KCND2: variants seen among roughly 807,000 people sequenced by gnomAD.
KCND2 encodes the protein potassium voltage-gated channel subfamily D member 2, also known as A-type voltage-gated potassium channel KCND2.
In KCND2, 16 loss-of-function variants were observed where a neutral mutation model predicts 54.4. The observed-to-expected ratio is 0.29, with a 90% CI of 0.20 to 0.45. The LOEUF is 0.45. KCND2 is among the 20% of genes least tolerant of loss of function. The pLI is 1.00. For missense variants in KCND2, 486 were observed against 824.2 expected (o/e 0.59, Z 5.02); for synonymous variants, 317 against 310.7 (o/e 1.02, Z -0.21).
At chr7:120,473,251 A>G (rs1028078665) in intron 1 of KCND2, among the ~76,000 whole-genome samples, 1 of 152,206 alleles carries the variant, frequency 6.6e-6, no homozygotes, top group Non-Finnish European at 1.5e-5. Flanking sequence ...ACTATGTTAG[A>G]TATTCTTCCC....
intron 1 of KCND2, among the ~76,000 whole-genome samples, chr7:120,539,520 A>G (rs771316295): frequency 7.9e-5 from 12 of 152,228 alleles, no homozygotes; most frequent in Non-Finnish European, 1.8e-4. Flanking sequence ...GAGGCTCTCC[A>G]CGGCACTTGC....
intron 1 of KCND2, among the ~76,000 whole-genome samples, chr7:120,732,413 G>C (rs550458759): frequency 2.6e-5 from 4 of 152,166 alleles, no homozygotes; most frequent in African/African-American, 9.7e-5. Flanking sequence ...CACAAGTGAA[G>C]GTTAATGGGG....
intron 1 of KCND2, among the ~76,000 whole-genome samples, chr7:120,345,068 G>T (rs1800294654): frequency 6.6e-6 from 1 of 152,142 alleles, no homozygotes; most frequent in Admixed American, 6.6e-5. Context: ...TAAAGTATGA[G>T]TGTAGATCAA....
intron 1 of KCND2, among the ~76,000 whole-genome samples, chr7:120,569,163 G>T (rs779334239): frequency 2.6e-5 from 4 of 152,014 alleles, no homozygotes; most frequent in Admixed American, 6.6e-5. Flanking sequence ...TCTACATAAA[G>T]ATATTTCTGA....
chr7:120,584,662 C>CT (rs551621982), intron 1 of KCND2, among the ~76,000 whole-genome samples: 57 of 152,224 alleles, frequency 3.7e-4, no homozygotes, highest in Non-Finnish European at 5.6e-4. Flanking sequence ...AATACTAATC[C>CT]TTAGTGGCAA....
At chr7:120,710,467 C>T (rs966916115) in intron 1 of KCND2, among the ~76,000 whole-genome samples, 4 of 152,054 alleles carry the variant, frequency 2.6e-5, no homozygotes, top group African/African-American at 9.7e-5. Context: ...GGAGAAGAAC[C>T]TTGTACTCTT....
At chr7:120,688,226 T>A (rs1014067230) in intron 1 of KCND2, among the ~76,000 whole-genome samples, 1 of 152,172 alleles carries the variant, frequency 6.6e-6, no homozygotes, top group Admixed American at 6.5e-5. Flanking sequence ...GTCTACAAAC[T>A]TTTTCTGTTA....
Position 120,745,999 on chromosome 7 carries a change from T to A in KCND2, c.1687T>A (p.Cys563Ser). The A allele has an allele frequency of 6.2e-7, 1 of 1,613,616 alleles. No homozygotes were observed. Among genetic ancestry groups the A allele is most frequent in the Non-Finnish European group, 8.5e-7 (1 of 1,179,660 alleles). Residue 563 changes from cysteine to serine, a missense_variant, in exon 5 of 6, where the codon TGT becomes AGT. By Grantham distance (112) the Cys-to-Ser change is moderately radical. Around this residue, in one of 7 missense-constraint regions of KCND2, gnomAD observed 202 missense variants for 252.7 expected, o/e 0.80. Transcript: ENST00000331113. ...IQELSTIQIRCVERTPLSNSR... is the reference protein window; with the variant it reads ...IQELSTIQIRSVERTPLSNSR... ...AGAACTCAGCACGATTCAGATCAGA[T>A]GTGTGGAGAGAACACCTCTGTCTAA... is the stretch of plus-strand genomic sequence containing the variant.
At chr7:120,374,211 A>C (rs1224316214) in intron 1 of KCND2, among the ~76,000 whole-genome samples, 1 of 151,774 alleles carries the variant, frequency 6.6e-6, no homozygotes. Flanking sequence ...TTTGGTACTT[A>C]TTCACATGAT....
At chr7:120,381,209 C>T (rs1436899783) in intron 1 of KCND2, among the ~76,000 whole-genome samples, 2 of 152,008 alleles carry the variant, frequency 1.3e-5, no homozygotes, top group East Asian at 3.9e-4. Context: ...GAGCTGATAT[C>T]ACGCCACTGT....
At chr7:120,299,281 A>G (rs965459657) in intron 1 of KCND2, among the ~76,000 whole-genome samples, 13 of 152,206 alleles carry the variant, frequency 8.5e-5, no homozygotes, top group African/African-American at 3.1e-4. Context: ...AAGTAGACAG[A>G]TGCCATTCAC....
chr7:120,673,933 C>T (rs1304870800), intron 1 of KCND2, among the ~76,000 whole-genome samples: 1 of 150,482 alleles, frequency 6.6e-6, no homozygotes, highest in Non-Finnish European at 1.5e-5. Flanking sequence ...CTACAGGAGC[C>T]TCACTCTGTC....
rs1287703412 is a variant in KCND2 at position 120,335,464 on chromosome 7, C to CTTATTTAT, written c.1115+59720_1115+59721insTTTATTTA. ...ATTTATTTATTTATTTATTTACTTA[C>CTTATTTAT]TTACTTATTTATTTATTTATTTATT... On this transcript the variant is annotated intron_variant, in intron 1 of 5. Transcript: ENST00000331113. Among the ~76,000 whole-genome samples the CTTATTTAT allele has an allele frequency of 1.7e-4, 23 of 139,240 alleles. No homozygotes were observed. The East Asian group carries it at 2.8e-3, about 17-fold the overall frequency. 91.3% of individuals were successfully genotyped at this position (139,240 alleles called of 152,430 possible). A position where few individuals can be genotyped will look rare whatever the true frequency, so the allele number is the denominator to read the frequency against.
intron 1 of KCND2, among the ~76,000 whole-genome samples, chr7:120,378,173 A>T (rs1229921959): frequency 1.3e-5 from 2 of 151,932 alleles, no homozygotes; most frequent in Admixed American, 1.3e-4. Flanking sequence ...AATCTTAAAT[A>T]TTAAAATTTA....
chr7:120,544,795 G>GA (rs1045181273), intron 1 of KCND2, among the ~76,000 whole-genome samples: 2 of 151,852 alleles, frequency 1.3e-5, no homozygotes, highest in African/African-American at 4.8e-5. Flanking sequence ...TTCAGTGACT[G>GA]AAAAAGCTAA....
At chr7:120,300,351 T>C (rs866850480) in intron 1 of KCND2, among the ~76,000 whole-genome samples, 1 of 152,258 alleles carries the variant, frequency 6.6e-6, no homozygotes, top group African/African-American at 2.4e-5. Context: ...AACTAACTAG[T>C]ATGTCCATAG....
intron 1 of KCND2, among the ~76,000 whole-genome samples, chr7:120,342,593 C>G (rs971866594): frequency 1.3e-5 from 2 of 152,034 alleles, no homozygotes; most frequent in Admixed American, 1.3e-4. Flanking sequence ...GTACAACAGT[C>G]ATAAGAAAAT....
At chr7:120,679,581 A>T (rs1293703410) in intron 1 of KCND2, among the ~76,000 whole-genome samples, 1 of 152,106 alleles carries the variant, frequency 6.6e-6, no homozygotes, top group African/African-American at 2.4e-5. Flanking sequence ...AAATGCATAG[A>T]CAGCATATTT....
intron 1 of KCND2, among the ~76,000 whole-genome samples, chr7:120,399,373 GA>G (rs1801207394): frequency 1.3e-5 from 2 of 151,004 alleles, no homozygotes; most frequent in South Asian, 4.2e-4. Flanking sequence ...AAAACATAGA[GA>G]AAAAAACATT....
Sources: allele counts gnomAD v4.1 joint callset (sites outside exome capture counted in the v4.1 genomes callset), GRCh38; gene constraint gnomAD v4.1.1; regional missense constraint gnomAD v4.1.1; transcripts MANE v1.5; gene names NCBI Gene and HGNC (gene_info 2026-07-23, HGNC 2026-07-21).